UBXN2B: variants seen among roughly 807,000 people sequenced by gnomAD.
UBXN2B encodes UBX domain-containing protein 2B.
Under a neutral mutation model 37.5 loss-of-function variants are expected in UBXN2B, and 19 were observed. The observed-to-expected ratio is 0.51, with a 90% CI of 0.35 to 0.74. UBXN2B has a LOEUF of 0.74. UBXN2B is among the 30% of genes least tolerant of loss of function. UBXN2B has a pLI of 0.01. For synonymous variants in UBXN2B, 145 were observed against 143.8 expected (o/e 1.01, Z -0.06); for missense variants, 370 against 393.2 (o/e 0.94, Z 0.50).
intron 2 of UBXN2B, chr8:58,425,486 C>T: frequency 2.7e-6 from 3 of 1,121,630 alleles, no homozygotes; most frequent in South Asian, 1.2e-5. Flanking sequence ...TCGTTGGGAT[C>T]ACCATCGTGT....
rs1808756379 is a variant in UBXN2B, at chr8:58,449,454, A to G, written c.*1903A>G. The stretch of plus-strand genomic sequence containing the variant: ...TGAGTCTCACCAACTCAAAAGTCTC[A>G]AATCTCACATTGAAGCCATCTAAAT... On this transcript the variant is annotated 3_prime_UTR_variant, in exon 8 of 8. Transcript: ENST00000399598. 1 of 152,202 alleles carries G rather than the reference A, an allele frequency of 6.6e-6. No individual in the cohort carries two copies. The highest frequency in any genetic ancestry group is 2.4e-5 in the African/African-American group (1 of 41,444). 9.4% of individuals were successfully genotyped at this position (152,202 alleles called of 1,614,324 possible).
Position 58,424,467 on chromosome 8 carries a change from C to G in UBXN2B, c.189-6052C>G, listed in dbSNP as rs189121441. ...TTGCTTATCAAAAGGTAGTCAACCA[C>G]AATGCAAGCCTTCCAAATCCAAATT... On this transcript the variant is annotated intron_variant, in intron 2 of 7. Transcript: ENST00000399598. 116 of 579,310 alleles carry G rather than the reference C, an allele frequency of 2.0e-4. 3 individuals carry two copies. The highest frequency in any genetic ancestry group is 2.0e-3 in the African/African-American group (105 of 53,094). The allele number at this position is 579,310 out of a possible 1,614,324, so 35.9% of individuals were successfully genotyped here.
chr8:58,432,425 C>T (rs1490493303), intron 3 of UBXN2B, among the ~76,000 whole-genome samples: 10 of 136,512 alleles, frequency 7.3e-5, no homozygotes, highest in African/African-American at 2.2e-4. Context: ...CTCTGTTGCC[C>T]AGGCTGGAGT....
chr8:58,424,995 G>A (rs927245030), intron 2 of UBXN2B: 39 of 788,144 alleles, frequency 4.9e-5, no homozygotes, highest in Non-Finnish European at 8.6e-5. Context: ...TTCCAGCACT[G>A]CCGTGCACCA....
chr8:58,426,945 A>G lies in UBXN2B; in HGVS notation c.189-3574A>G, dbSNP rs542618990. ...GTTTTGCCAATTGGCAAGTTATTTA[A>G]ACTCCTTCAGTCTTAGTTTTCTTAC... On this transcript the variant is annotated intron_variant, in intron 2 of 7. Coordinates refer to ENST00000399598, the MANE Select transcript of UBXN2B (RefSeq NM_001077619.2). Among the ~76,000 whole-genome samples, 14 of 152,326 alleles carry G rather than the reference A, an allele frequency of 9.2e-5. No homozygotes were observed. In the East Asian group the frequency reaches 2.7e-3, roughly 29 times the overall value.
intron 6 of UBXN2B, among the ~76,000 whole-genome samples, chr8:58,444,628 A>T (rs1389950838): frequency 1.3e-5 from 2 of 151,938 alleles, no homozygotes; most frequent in African/African-American, 4.8e-5. Context: ...TTGGATTTTC[A>T]TCCCCCTCCC....
chr8:58,425,609 G>T, intron 2 of UBXN2B: 1 of 1,084,736 alleles, frequency 9.2e-7, no homozygotes, highest in African/African-American at 1.5e-5. Context: ...TCCTGTTGTT[G>T]TAGTGTCTCA....
At chr8:58,434,247 A>C in intron 4 of UBXN2B, 148 bp from the exon 5 acceptor site, 1 of 232,464 alleles carries the variant, frequency 4.3e-6, no homozygotes, top group Non-Finnish European at 8.3e-6. Flanking sequence ...AATAAAGAAT[A>C]GTAGAAATAA....
chr8:58,433,243 T>A lies in UBXN2B; in HGVS notation c.423T>A (p.Asp141Glu), dbSNP rs1318673819. The A allele has an allele frequency of 6.2e-7, 1 of 1,605,354 alleles. No individual in the cohort carries two copies. Among genetic ancestry groups the A allele is most frequent in the East Asian group, 2.2e-5 (1 of 44,632 alleles). Residue 141 changes from aspartate to glutamate, a missense_variant and splice_region_variant, in exon 4 of 8, where the codon GAT (aspartate) becomes GAA (glutamate). Around this residue, in one of 3 missense-constraint regions of UBXN2B, gnomAD observed 90 missense variants for 139.4 expected, o/e 0.65. Transcript: ENST00000399598. ...EYIYGENQLQDVQILLKLWSN... is the reference protein window; with the variant it reads ...EYIYGENQLQEVQILLKLWSN... The stretch of plus-strand genomic sequence containing the variant: ...TCTATGGAGAAAATCAGCTGCAAGA[T>A]GTAGGTACAATAATCAAAATGAAAA...
chr8:58,424,652 C>G lies in UBXN2B; in HGVS notation c.189-5867C>G, dbSNP rs768558077. 130 of 1,250,586 alleles carry G rather than the reference C, an allele frequency of 1.0e-4. 1 individual carries two copies. The highest frequency in any genetic ancestry group is 9.4e-5 in the Non-Finnish European group (80 of 854,762). 77.5% of individuals were successfully genotyped at this position (1,250,586 alleles called of 1,614,324 possible). Reference sequence around the variant, plus strand: ...TTCATACACTCTAGCACTGTCTGCTCTCATTTCTGCACAGCGTGGAGTTGG... The same window carrying G: ...TTCATACACTCTAGCACTGTCTGCTGTCATTTCTGCACAGCGTGGAGTTGG... On this transcript the variant is annotated intron_variant, in intron 2 of 7. Coordinates refer to ENST00000399598, the MANE Select transcript of UBXN2B (RefSeq NM_001077619.2).
At chr8:58,425,763 T>C in intron 2 of UBXN2B, 3 of 1,149,620 alleles carry the variant, frequency 2.6e-6, no homozygotes, top group East Asian at 2.4e-5. Context: ...GTTTCCATCA[T>C]AGGATTCTTC....
chr8:58,411,622 G>C (rs1282524039), intron 1 of UBXN2B, among the ~76,000 whole-genome samples, 153 bp downstream of exon 1: 2 of 152,224 alleles, frequency 1.3e-5, no homozygotes. Flanking sequence ...CCCGATGTCG[G>C]GTCTTGACAC....
At chr8:58,416,466 CTA>C (rs1343059127) in intron 1 of UBXN2B, among the ~76,000 whole-genome samples, 2 of 152,038 alleles carry the variant, frequency 1.3e-5, no homozygotes, top group Non-Finnish European at 2.9e-5. Flanking sequence ...CTGAATGAAA[CTA>C]TTTTATGAGA....
chr8:58,434,424 T>C lies in UBXN2B; in HGVS notation c.453T>C (p.Asn151=). 1 of 1,506,156 alleles carries C rather than the reference T, an allele frequency of 6.6e-7. No individual in the cohort carries two copies. Among genetic ancestry groups the C allele is most frequent in the Non-Finnish European group, 8.9e-7 (1 of 1,126,818 alleles). 93.3% of individuals were successfully genotyped at this position (1,506,156 alleles called of 1,614,324 possible). A position where few individuals can be genotyped will look rare whatever the true frequency, so the allele number is the denominator to read the frequency against. ...DVQILLKLWS[N]GFSLDDGELR... ...AGATTTTGCTTAAACTGTGGAGCAA[T>C]GGTTTCAGTTTAGATGATGGAGAAT... Residue 151 remains asparagine, a synonymous_variant, in exon 5 of 8, where the codon AAT becomes AAC. Coordinates refer to ENST00000399598, the MANE Select transcript of UBXN2B (RefSeq NM_001077619.2).
intron 1 of UBXN2B, among the ~76,000 whole-genome samples, chr8:58,416,521 T>C (rs539905166): frequency 6.6e-6 from 1 of 152,282 alleles, no homozygotes; most frequent in South Asian, 2.1e-4. Context: ...TCTTCAGGAA[T>C]TCTTAAAAGA....
chr8:58,442,457 TA>T lies in UBXN2B; in HGVS notation c.671+2692del, dbSNP rs1296900220. Among the ~76,000 whole-genome samples the T allele has an allele frequency of 3.9e-5, 6 of 152,116 alleles. No individual in the cohort carries two copies. In the South Asian group the frequency reaches 1.0e-3, roughly 26 times the overall value. ...AGACAATTATTTACTGAGCAGGAAA[TA>T]AAAAGAAGCAAGTAAAACAGAAATG... On this transcript the variant is annotated intron_variant, in intron 6 of 7. Transcript: ENST00000399598.
intron 6 of UBXN2B, among the ~76,000 whole-genome samples, chr8:58,444,837 A>G (rs1808633529): frequency 6.6e-6 from 1 of 152,220 alleles, no homozygotes; most frequent in South Asian, 2.1e-4. Context: ...AAGAAAGAGA[A>G]AGTGTCAGCA....
At chr8:58,418,104 G>T (rs117263755) in intron 2 of UBXN2B, among the ~76,000 whole-genome samples, 3,187 of 152,124 alleles carry the variant, frequency 0.021, 67 homozygotes, top group East Asian at 0.11. Context: ...AGCTGGGCAT[G>T]GTGGCACGAG....
intron 1 of UBXN2B, among the ~76,000 whole-genome samples, chr8:58,416,262 A>G (rs1488227421): frequency 1.3e-5 from 2 of 152,102 alleles, no homozygotes; most frequent in East Asian, 3.8e-4. Context: ...GAAATAAACT[A>G]TCCAGCCAAT....
Sources: gnomAD v4.1 joint callset for allele counts (sites outside exome capture counted in the v4.1 genomes callset) on GRCh38, gnomAD v4.1.1 for gene constraint, gnomAD v4.1.1 regional missense constraint, MANE v1.5 for transcripts, NCBI Gene and HGNC (gene_info 2026-07-23, HGNC 2026-07-21) for gene names.